The following MOCOS variants were observed in gnomAD, a reference collection of about 807,000 sequenced individuals.
The protein encoded by MOCOS is human molybdenum cofactor sulfurase.
In MOCOS, 86 loss-of-function variants were observed where a neutral mutation model predicts 83.6. That is an observed-to-expected ratio of 1.03 (90% CI 0.86 to 1.23). MOCOS has a LOEUF of 1.23. MOCOS is among the 50% of genes most tolerant of loss of function. The pLI, the probability that MOCOS is intolerant of heterozygous loss-of-function variation, is 0.00. For synonymous variants in MOCOS, 445 were observed against 434.7 expected (o/e 1.02, Z -0.29); for missense variants, 1,120 against 1,126.9 (o/e 0.99, Z 0.09).
At chr18:36,243,929 G>T (rs1292913520) in intron 9 of MOCOS, among the ~76,000 whole-genome samples, 1 of 151,978 alleles carries the variant, frequency 6.6e-6, no homozygotes, top group Admixed American at 6.6e-5. Flanking sequence ...TGCCTTGAAT[G>T]ATCTTTTGTA....
At chr18:36,204,071 T>C (rs1346843333) in intron 5 of MOCOS, among the ~76,000 whole-genome samples, 2 of 152,178 alleles carry the variant, frequency 1.3e-5, no homozygotes, top group Non-Finnish European at 2.9e-5. Flanking sequence ...AAAATTGTGG[T>C]AAACTATACA....
At chr18:36,222,411 T>C (rs931764013) in intron 9 of MOCOS, among the ~76,000 whole-genome samples, 6 of 152,156 alleles carry the variant, frequency 3.9e-5, no homozygotes, top group African/African-American at 1.2e-4. Flanking sequence ...GTCTTTTGTT[T>C]GTTTTCTTTT....
At chr18:36,233,329 C>T (rs1236905620) in intron 9 of MOCOS, among the ~76,000 whole-genome samples, 2 of 152,098 alleles carry the variant, frequency 1.3e-5, no homozygotes, top group East Asian at 3.9e-4. Context: ...CAACTCTATC[C>T]AGATTGTTGC....
chr18:36,252,147 A>G (rs1268905302), intron 11 of MOCOS, among the ~76,000 whole-genome samples: 2 of 152,168 alleles, frequency 1.3e-5, no homozygotes, highest in Non-Finnish European at 2.9e-5. Flanking sequence ...TGGCTAGATG[A>G]ATGAATGAAT....
At chr18:36,225,824 T>C (rs1204140868) in intron 9 of MOCOS, among the ~76,000 whole-genome samples, 1 of 152,150 alleles carries the variant, frequency 6.6e-6, no homozygotes, top group Non-Finnish European at 1.5e-5. Flanking sequence ...GTTGTTTCAT[T>C]TCCACATATT....
intron 9 of MOCOS, among the ~76,000 whole-genome samples, chr18:36,224,655 T>G (rs1276678387): frequency 7.5e-6 from 1 of 133,344 alleles, no homozygotes; most frequent in Non-Finnish European, 1.7e-5. Flanking sequence ...TGGTGTATGA[T>G]CCTTTTAATG....
intron 1 of MOCOS, among the ~76,000 whole-genome samples, chr18:36,188,941 C>A (rs1403015551): frequency 6.7e-6 from 1 of 149,940 alleles, no homozygotes; most frequent in Non-Finnish European, 1.5e-5. Context: ...TCTCTCTCAA[C>A]TATTAATTAT....
intron 13 of MOCOS, among the ~76,000 whole-genome samples, chr18:36,264,518 T>G (rs980115716): frequency 6.6e-6 from 1 of 152,186 alleles, no homozygotes; most frequent in Non-Finnish European, 1.5e-5. Context: ...AGTGATAGTT[T>G]CCACTCTCGA....
intron 11 of MOCOS, 63 bp from the exon 12 acceptor site, chr18:36,256,905 G>A: frequency 1.5e-6 from 2 of 1,374,312 alleles, no homozygotes; most frequent in African/African-American, 1.4e-5. Context: ...CAAGTCTATG[G>A]AAACATGATT....
At chr18:36,268,219 C>T (rs2091687854) in intron 14 of MOCOS, among the ~76,000 whole-genome samples, 1 of 152,154 alleles carries the variant, frequency 6.6e-6, no homozygotes, top group Non-Finnish European at 1.5e-5. Context: ...TGATGGTGGT[C>T]ACAAGCTGAG....
intron 11 of MOCOS, among the ~76,000 whole-genome samples, chr18:36,255,892 T>G (rs2091639695): frequency 8.9e-6 from 1 of 112,548 alleles, no homozygotes; most frequent in Admixed American, 1.1e-4. Context: ...TAGTTTTTTT[T>G]TTTTTTTTTT....
At chr18:36,256,585 G>A (rs566726239) in intron 11 of MOCOS, among the ~76,000 whole-genome samples, 2 of 152,112 alleles carry the variant, frequency 1.3e-5, no homozygotes, top group African/African-American at 4.8e-5. Flanking sequence ...GGGTAGCAGG[G>A]ATTACAGGTG....
chr18:36,188,335 AG>A (rs2091350579), intron 1 of MOCOS, among the ~76,000 whole-genome samples: 1 of 152,260 alleles, frequency 6.6e-6, no homozygotes, highest in Non-Finnish European at 1.5e-5. Flanking sequence ...CTTTAAGAAC[AG>A]GGCGAGCCTG....
chr18:36,223,635 A>G (rs1439551224), intron 9 of MOCOS, among the ~76,000 whole-genome samples: 2 of 152,196 alleles, frequency 1.3e-5, no homozygotes, highest in Non-Finnish European at 2.9e-5. Context: ...AAAAAATGCC[A>G]TTGCGATTTT....
Position 36,220,180 on chromosome 18 carries a change from C to T in MOCOS, c.1923C>T (p.Ile641=), listed in dbSNP as rs200601583. The T allele has an allele frequency of 3.2e-5, 51 of 1,614,118 alleles. No individual in the cohort carries two copies. Among genetic ancestry groups the T allele is most frequent in the East Asian group, 1.6e-4 (7 of 44,878 alleles). Residue 641 remains isoleucine (I), a synonymous_variant, in exon 9 of 15, where the codon ATC becomes ATT. Transcript: ENST00000261326. ...GGCTCTGCCTGATCCAGCCCTTCAT[C>T]GACTTGCGGCAAAGGATCATGGTCA... is the stretch of plus-strand genomic sequence containing the variant. ...EPRLCLIQPF[I]DLRQRIMVIK...
At chr18:36,187,776 G>A in intron 1 of MOCOS, 95 bp downstream of exon 1, 1 of 1,219,390 alleles carries the variant, frequency 8.2e-7, no homozygotes, top group Non-Finnish European at 1.0e-6. Flanking sequence ...ACCTCATTCG[G>A]GCGCATTTTG....
chr18:36,199,469 G>T (rs1412572777), intron 3 of MOCOS, among the ~76,000 whole-genome samples: 1 of 152,182 alleles, frequency 6.6e-6, no homozygotes. Flanking sequence ...ATATCCAATT[G>T]GAGATATCCA....
chr18:36,256,616 A>G (rs575530635), intron 11 of MOCOS, among the ~76,000 whole-genome samples: 1 of 151,726 alleles, frequency 6.6e-6, no homozygotes, highest in Non-Finnish European at 1.5e-5. Context: ...CACCTGGCTA[A>G]TTTTTGTATT....
intron 14 of MOCOS, 82 bp from the exon 15 acceptor site, chr18:36,268,451 G>C: frequency 6.3e-7 from 1 of 1,578,018 alleles, no homozygotes; most frequent in Admixed American, 1.7e-5. Flanking sequence ...CTTGATTTTA[G>C]TTAAACATTA....
Sources: allele counts gnomAD v4.1 joint callset (sites outside exome capture counted in the v4.1 genomes callset), GRCh38; gene constraint gnomAD v4.1.1; transcripts MANE v1.5; gene names NCBI Gene and HGNC (gene_info 2026-07-23, HGNC 2026-07-21).